The following PDXDC1 variants were observed in gnomAD, a reference collection of about 807,000 sequenced individuals.
PDXDC1 encodes pyridoxal-dependent decarboxylase domain-containing protein 1.
Under a neutral mutation model 100.1 loss-of-function variants are expected in PDXDC1, and 42 were observed. The ratio of observed to expected loss-of-function variants is 0.42; its 90% CI spans 0.33 to 0.54. The LOEUF is 0.54. Ranked by LOEUF, PDXDC1 falls within the 20% of genes least tolerant of loss-of-function variation. The pLI, the probability that PDXDC1 is intolerant of heterozygous loss-of-function variation, is 0.10. For synonymous variants in PDXDC1, 260 were observed against 371.7 expected, an observed-to-expected ratio of 0.70 and a Z score of 3.46; for missense variants, 636 against 979.2, an observed-to-expected ratio of 0.65 and a Z score of 4.68.
At chr16:15,071,311 A>C (rs931701157) in intron 16 of PDXDC1, 3 of 1,494,574 alleles carry the variant, frequency 2.0e-6, no homozygotes, top group Admixed American at 4.4e-5. Flanking sequence ...TCTGGCTATC[A>C]AAATCCCAAG....
intron 1 of PDXDC1, among the ~76,000 whole-genome samples, chr16:14,978,114 A>T (rs1158294504): frequency 6.6e-6 from 1 of 152,128 alleles, no homozygotes; most frequent in African/African-American, 2.4e-5. Context: ...TTTCTTCCAC[A>T]ACAGTATCAG....
intron 4 of PDXDC1, among the ~76,000 whole-genome samples, chr16:15,003,768 A>C (rs1157760304): frequency 6.6e-6 from 1 of 152,214 alleles, no homozygotes; most frequent in Non-Finnish European, 1.5e-5. Context: ...GAATCACCTG[A>C]AGTCAGGAGT....
intron 16 of PDXDC1, among the ~76,000 whole-genome samples, chr16:15,075,122 C>T (rs569673007): frequency 7.9e-5 from 12 of 151,644 alleles, no homozygotes; most frequent in South Asian, 4.2e-4. Flanking sequence ...TGGTGGTGCA[C>T]GCCTGTAATT....
intron 16 of PDXDC1, among the ~76,000 whole-genome samples, chr16:15,088,733 A>G (rs1199189992): frequency 3.9e-5 from 6 of 152,310 alleles, no homozygotes; most frequent in African/African-American, 7.2e-5. Context: ...GAAAACTGAA[A>G]AACGTTCAGT....
At chr16:15,061,425 A>G (rs1370780768) in intron 16 of PDXDC1, 2 of 307,018 alleles carry the variant, frequency 6.5e-6, no homozygotes, top group African/African-American at 4.3e-5. Flanking sequence ...TATATTAGAA[A>G]TTACCCAGTA....
At position 15,031,786 on chromosome 16, in the gene PDXDC1, G is replaced by A; in HGVS notation, c.1451G>A (p.Ser484Asn). Residue 484 changes from serine to asparagine, a missense_variant, in exon 17 of 23, where the codon AGC becomes AAC. Physicochemically the swap from Ser to Asn is conservative, Grantham distance 46. Transcript: ENST00000396410. ...DVDQLVACIE[S>N]KLPVLCCTLQ... is the part of the protein sequence containing the mutation. ...GATCAGCTCGTAGCCTGCATAGAAAGCAAACTGCCAGTGCTGTGCTGTACG... is the reference window on the plus strand; with the variant it reads ...GATCAGCTCGTAGCCTGCATAGAAAACAAACTGCCAGTGCTGTGCTGTACG... 2 of 1,613,926 alleles carry A rather than the reference G, an allele frequency of 1.2e-6. No individual in the cohort carries two copies. The highest frequency in any genetic ancestry group is 1.7e-6 in the Non-Finnish European group (2 of 1,179,912).
chr16:14,976,885 G>A (rs1484755158), intron 1 of PDXDC1: 1 of 152,358 alleles, frequency 6.6e-6, no homozygotes, highest in Non-Finnish European at 1.5e-5. Context: ...GCAAAGTGGT[G>A]TTATCAATTT....
chr16:15,040,148 T>C, downstream of PDXDC1: 2 of 730,978 alleles, frequency 2.7e-6, no homozygotes, highest in Non-Finnish European at 2.4e-6. Context: ...CTACCACCAC[T>C]CCTAAGAGAA....
At chr16:15,064,507 G>C (rs73491928) in intron 16 of PDXDC1, among the ~76,000 whole-genome samples, 8,508 of 152,252 alleles carry the variant, frequency 0.056, 392 homozygotes, top group African/African-American at 0.12. Flanking sequence ...CTGTGCAACA[G>C]AATGGTATGT....
Position 15,033,429 on chromosome 16 carries a change from CT to C in PDXDC1, c.1812+32del, listed in dbSNP as rs746255570. On this transcript the variant is annotated intron_variant, in intron 19 of 22. Coordinates refer to ENST00000396410, the MANE Select transcript of PDXDC1 (RefSeq NM_015027.4). Reference sequence around the variant, plus strand: ...GTAGCACCCATCAGTGTTCATTCCTCTTCTGAGTTTTGTCCCACCAAACAGC... The same window carrying C: ...GTAGCACCCATCAGTGTTCATTCCTCTCTGAGTTTTGTCCCACCAAACAGC... 6 of 1,607,378 alleles carry C rather than the reference CT, an allele frequency of 3.7e-6. No individual in the cohort carries two copies. The Admixed American group carries it at 1.0e-4, about 27-fold the overall frequency.
chr16:15,129,381 G>GT (rs1025800567), intron 16 of PDXDC1, among the ~76,000 whole-genome samples: 35 of 152,012 alleles, frequency 2.3e-4, no homozygotes, highest in African/African-American at 8.5e-4. Flanking sequence ...GGAAGTTGCT[G>GT]TGAGCCAAGA....
intron 16 of PDXDC1, chr16:15,080,064 A>G: frequency 1.2e-6 from 2 of 1,602,092 alleles, no homozygotes; most frequent in South Asian, 2.3e-5. Flanking sequence ...GAAAATATAC[A>G]CTAATCCTTA....
chr16:15,116,508 A>G (rs1351001601), intron 16 of PDXDC1, among the ~76,000 whole-genome samples: 26 of 127,536 alleles, frequency 2.0e-4, no homozygotes, highest in Non-Finnish European at 3.0e-4. Context: ...AAAAATTACC[A>G]AGGTGGAGAT....
intron 16 of PDXDC1, chr16:15,128,317 T>A: frequency 6.2e-7 from 1 of 1,610,218 alleles, no homozygotes; most frequent in Non-Finnish European, 8.5e-7. Flanking sequence ...GAAGGCTCTG[T>A]CGCCATCCAG....
In PDXDC1 at chr16:15,035,450, C is replaced by T; in HGVS notation, c.2004C>T (p.Gly668=). The change falls in exon 22 of 23, where the codon GGC becomes GGT. Residue 668 remains glycine, a splice_region_variant and synonymous_variant. Transcript: ENST00000396410. ...QKGRTFNLTA[G]SLESTEPIYV... ...ACCCAGCCCTCTCCTCTCCCGCAGGCTCTCTGGAGTCCACAGAACCCATAT... is the reference window on the plus strand; with the variant it reads ...ACCCAGCCCTCTCCTCTCCCGCAGGTTCTCTGGAGTCCACAGAACCCATAT... 3 of 1,598,328 alleles carry T rather than the reference C, an allele frequency of 1.9e-6. No individual in the cohort carries two copies. The highest frequency in any genetic ancestry group is 1.7e-6 in the Non-Finnish European group (2 of 1,170,866).
chr16:15,127,485 C>G (rs145329141), intron 16 of PDXDC1: 3 of 1,567,824 alleles, frequency 1.9e-6, no homozygotes, highest in South Asian at 2.3e-5. Flanking sequence ...TCCGGGACAT[C>G]CAGAAGAGAA....
At chr16:15,096,561 C>CGTG (rs1483942858) in intron 16 of PDXDC1, among the ~76,000 whole-genome samples, 1 of 152,170 alleles carries the variant, frequency 6.6e-6, no homozygotes, top group Non-Finnish European at 1.5e-5. Context: ...ATAATTGCAC[C>CGTG]GTAGCTCACA....
intron 16 of PDXDC1, among the ~76,000 whole-genome samples, chr16:15,063,544 T>C (rs1269336945): frequency 6.6e-6 from 1 of 151,406 alleles, no homozygotes; most frequent in Non-Finnish European, 1.5e-5. Context: ...CCATCTCTAC[T>C]AAAAATACAA....
rs542322278 is a variant in PDXDC1, at chr16:15,135,517, C to T, written c.1400-3362C>T. The T allele has an allele frequency of 1.4e-4, 161 of 1,115,754 alleles. No homozygotes were observed. The Middle Eastern group carries it at 2.6e-3, about 18-fold the overall frequency. 69.1% of individuals were successfully genotyped at this position (1,115,754 alleles called of 1,614,324 possible). A position where few individuals can be genotyped will look rare whatever the true frequency, so the allele number is the denominator to read the frequency against. ...CGGCCCAGGAGACAGCGCGGGAGAC[C>T]CCCTCCCCATGCTGGGACGGGGCCC... On this transcript the variant is annotated intron_variant, in intron 16 of 16. Coordinates refer to the PDXDC1 transcript ENST00000535621.
Sources: gnomAD v4.1 joint callset for allele counts (sites outside exome capture counted in the v4.1 genomes callset) on GRCh38, gnomAD v4.1.1 for gene constraint, MANE v1.5 for transcripts, NCBI Gene and HGNC (gene_info 2026-07-23, HGNC 2026-07-21) for gene names.